Variants in PRRC2B observed in about 807,000 individuals in gnomAD.
PRRC2B encodes protein PRRC2B.
Under a neutral mutation model 242.3 loss-of-function variants are expected in PRRC2B, and 68 were observed. The ratio of observed to expected loss-of-function variants is 0.28; its 90% CI spans 0.23 to 0.34. The LOEUF is 0.34. PRRC2B is among the 10% of genes least tolerant of loss of function. PRRC2B has a pLI of 1.00. For missense variants in PRRC2B, 2,835 were observed against 2,954.8 expected (o/e 0.96, Z 0.94); for synonymous variants, 1,228 against 1,173.6 (o/e 1.05, Z -0.95).
chr9:131,447,883 C>T (rs1280518291), intron 9 of PRRC2B, 79 bp downstream of exon 9: 3 of 1,441,156 alleles, frequency 2.1e-6, no homozygotes, highest in Non-Finnish European at 1.9e-6. Flanking sequence ...AACCCCCTGG[C>T]ACCACCGTGT....
At chr9:131,388,721 T>C (rs2131268333) in intron 1 of PRRC2B, among the ~76,000 whole-genome samples, 1 of 150,216 alleles carries the variant, frequency 6.7e-6, no homozygotes, top group Non-Finnish European at 1.5e-5. Flanking sequence ...TTTTTGTATT[T>C]TTAATAGAGA....
At chr9:131,442,430 G>A (rs946694937) in intron 5 of PRRC2B, among the ~76,000 whole-genome samples, 1 of 152,150 alleles carries the variant, frequency 6.6e-6, no homozygotes, top group African/African-American at 2.4e-5. Context: ...CTGAGTCAGA[G>A]CCCCCTTCAC....
chr9:131,471,047 T>G (rs189949466), intron 14 of PRRC2B, 64 bp downstream of exon 14: 1 of 1,201,984 alleles, frequency 8.3e-7, no homozygotes, highest in East Asian at 2.7e-5. Flanking sequence ...GTCAAGGGTG[T>G]CCTCTCGAGT....
rs748712730 is a variant in PRRC2B, at chr9:131,475,600, T to C, written c.3471T>C (p.Asn1157=). ...RRRQRGSENG[N]EGSLLEREES... is the part of the protein sequence containing the mutation. ...GGCAGAGGGGCTCCGAGAACGGGAA[T>C]GAAGGCTCGCTCCTGGAGAGGGAGG... Residue 1157 remains asparagine (N), a synonymous_variant, in exon 16 of 32, where the codon AAT becomes AAC. Coordinates refer to ENST00000683519, the MANE Select transcript of PRRC2B (RefSeq NM_013318.4). 3 of 1,612,524 alleles carry C rather than the reference T, an allele frequency of 1.9e-6. No individual in the cohort carries two copies. In the Admixed American group the frequency reaches 5.0e-5, roughly 27 times the overall value.
chr9:131,489,100 C>T (rs1267520257), intron 28 of PRRC2B, among the ~76,000 whole-genome samples: 1 of 151,962 alleles, frequency 6.6e-6, no homozygotes, highest in Non-Finnish European at 1.5e-5. Flanking sequence ...GTGGCTCTCG[C>T]ATAATCTCAA....
In PRRC2B at chr9:131,483,402, C is replaced by G; in HGVS notation, c.5417C>G (p.Thr1806Ser). The change falls in exon 23 of 32, where the codon ACT becomes AGT. Residue 1806 changes from threonine (T) to serine (S), a missense_variant. Physicochemically the swap from Thr to Ser is moderately conservative, Grantham distance 58. This residue lies in a region of PRRC2B where 574 missense variants were observed against 626.0 expected (regional missense o/e 0.92). Coordinates refer to ENST00000683519, the MANE Select transcript of PRRC2B (RefSeq NM_013318.4). ...CCACCTGGTTCTGCCTCTGGTCCTA[C>G]TGGGAGTCCAGTTGTTAAACTTCAG... Reference protein sequence around the residue: ...SLPPGSASGPTGSPVVKLQDA... With the variant: ...SLPPGSASGPSGSPVVKLQDA... The G allele has an allele frequency of 6.2e-7, 1 of 1,613,962 alleles. No individual in the cohort carries two copies. Among genetic ancestry groups the G allele is most frequent in the Non-Finnish European group, 8.5e-7 (1 of 1,179,892 alleles).
intron 1 of PRRC2B, among the ~76,000 whole-genome samples, chr9:131,376,119 C>T (rs1478209568): frequency 6.7e-6 from 1 of 149,996 alleles, no homozygotes; most frequent in Admixed American, 6.7e-5. Flanking sequence ...AAGGCTGAGG[C>T]AGGTGGATCA....
At chr9:131,485,800 G>T (rs1296389717) in intron 25 of PRRC2B, 1 of 693,092 alleles carries the variant, frequency 1.4e-6, no homozygotes, top group South Asian at 1.4e-5. Flanking sequence ...GTCTGGGGTA[G>T]TTGGTGAGTG....
At chr9:131,445,003 T>C (rs1236001055) in intron 6 of PRRC2B, among the ~76,000 whole-genome samples, 1 of 152,176 alleles carries the variant, frequency 6.6e-6, no homozygotes, top group African/African-American at 2.4e-5. Context: ...AGGTCTTAAA[T>C]TGTGAGGCCT....
chr9:131,403,840 T>G (rs992684905), intron 1 of PRRC2B, among the ~76,000 whole-genome samples: 9 of 152,164 alleles, frequency 5.9e-5, no homozygotes, highest in Admixed American at 1.3e-4. Flanking sequence ...AAAAATGGGA[T>G]ATACTATATT....
chr9:131,385,845 C>A (rs982436843), intron 1 of PRRC2B, among the ~76,000 whole-genome samples: 1 of 150,006 alleles, frequency 6.7e-6, no homozygotes, highest in Non-Finnish European at 1.5e-5. Context: ...AGGCGCCCAC[C>A]ACCACGCCCG....
rs748992952 is a variant in PRRC2B at position 131,464,995 on chromosome 9, G to A, written c.1637G>A (p.Arg546Gln). Residue 546 changes from arginine (R) to glutamine (Q), a missense_variant, in exon 12 of 32, where the codon CGG (arginine) becomes CAG (glutamine). Arg to Gln is a conservative substitution (Grantham distance 43). Coordinates refer to ENST00000683519, the MANE Select transcript of PRRC2B (RefSeq NM_013318.4). Reference sequence around the variant, plus strand: ...CAGGCACGAAAGGCAGGTGAGGCCCGGAAGCAGGCAGAGAAGGAAGTGCCC... The same window carrying A: ...CAGGCACGAAAGGCAGGTGAGGCCCAGAAGCAGGCAGAGAAGGAAGTGCCC... Reference protein sequence around the residue: ...CKQARKAGEARKQAEKEVPWS... With the variant: ...CKQARKAGEAQKQAEKEVPWS... 58 of 1,613,886 alleles carry A rather than the reference G, an allele frequency of 3.6e-5. No homozygotes were observed. The highest frequency in any genetic ancestry group is 8.3e-5 in the Admixed American group (5 of 59,994).
In PRRC2B at chr9:131,479,295, G is replaced by T; in HGVS notation, c.4802G>T (p.Arg1601Leu). The T allele has an allele frequency of 2.5e-6, 4 of 1,613,726 alleles. No individual in the cohort carries two copies. The highest frequency in any genetic ancestry group is 2.5e-6 in the Non-Finnish European group (3 of 1,179,816). ...GRGLSSRIPP[R>L]FAKKQNNLCL... ...GGCCTTTCCTCCCGTATTCCTCCTC[G>T]ATTTGCAAAAAAGCAGAACAACTTA... The change falls in exon 19 of 32, where the codon CGA becomes CTA. Residue 1601 changes from arginine (R) to leucine (L), a missense_variant. This residue lies in a region of PRRC2B where 1,536 missense variants were observed against 1,483.1 expected (regional missense o/e 1.04). Transcript: ENST00000683519.
chr9:131,407,643 A>G (rs1267220823), intron 1 of PRRC2B, among the ~76,000 whole-genome samples: 1 of 152,128 alleles, frequency 6.6e-6, no homozygotes, highest in Non-Finnish European at 1.5e-5. Context: ...GAGATTATTT[A>G]TACCAACCCA....
In PRRC2B at chr9:131,475,839, A is replaced by G; in HGVS notation, c.3710A>G (p.Gln1237Arg). Residue 1237 changes from glutamine (Q) to arginine (R), a missense_variant, in exon 16 of 32, where the codon CAG (glutamine) becomes CGG (arginine). Physicochemically the swap from Gln to Arg is conservative, Grantham distance 43. This residue lies in a region of PRRC2B where 1,536 missense variants were observed against 1,483.1 expected (regional missense o/e 1.04). Coordinates refer to ENST00000683519, the MANE Select transcript of PRRC2B (RefSeq NM_013318.4). Reference protein sequence around the residue: ...WQSKSPGSSWQEYGPSDTCGS... With the variant: ...WQSKSPGSSWREYGPSDTCGS... ...AGCAAAAGTCCAGGCAGCTCTTGGC[A>G]GGAATATGGCCCTTCCGACACATGC... 2.5e-6 allele frequency: 4 copies of G among 1,613,052 alleles called. No individual in the cohort carries two copies. Among genetic ancestry groups the G allele is most frequent in the Non-Finnish European group, 3.4e-6 (4 of 1,179,116 alleles).
At chr9:131,392,419 C>T (rs918417847), upstream of PRRC2B, among the ~76,000 whole-genome samples, 5 of 152,138 alleles carry the variant, frequency 3.3e-5, no homozygotes, top group African/African-American at 9.7e-5. Context: ...ACCTGAGGCT[C>T]AGTTTATTTA....
chr9:131,472,450 G>A (rs1037300860), intron 14 of PRRC2B, among the ~76,000 whole-genome samples: 3 of 140,424 alleles, frequency 2.1e-5, no homozygotes, highest in East Asian at 2.0e-4. Flanking sequence ...GATTACAGGC[G>A]CCCACCACCA....
At chr9:131,409,352 G>C (rs966582377) in intron 1 of PRRC2B, among the ~76,000 whole-genome samples, 1 of 151,856 alleles carries the variant, frequency 6.6e-6, no homozygotes. Context: ...GCTAATTTTT[G>C]TATTTTTAGT....
At chr9:131,394,313 G>A (rs1836978251) in intron 1 of PRRC2B, 50 bp downstream of exon 1, 1 of 146,754 alleles carries the variant, frequency 6.8e-6, no homozygotes, top group Non-Finnish European at 1.5e-5. Flanking sequence ...GCGGCGCTAA[G>A]ATGGAGGCGG....
Sources: gnomAD v4.1 joint callset for allele counts (sites outside exome capture counted in the v4.1 genomes callset) on GRCh38, gnomAD v4.1.1 for gene constraint, gnomAD v4.1.1 regional missense constraint, MANE v1.5 for transcripts, NCBI Gene and HGNC (gene_info 2026-07-23, HGNC 2026-07-21) for gene names.